BCAS4: variants seen among roughly 807,000 people sequenced by gnomAD.
BCAS4 encodes breast carcinoma-amplified sequence 4.
A neutral mutation model predicts 15.7 loss-of-function variants in BCAS4; 9 were observed. The ratio of observed to expected loss-of-function variants is 0.57; its 90% CI spans 0.34 to 1.00. BCAS4 has a LOEUF of 1.00. Ranked by LOEUF, BCAS4 falls within the 50% of genes least tolerant of loss-of-function variation. The probability of loss-of-function intolerance (pLI) is 0.02; values close to 1 mark genes in which losing one functional copy is unlikely to be tolerated. For missense variants in BCAS4, 225 were observed against 239.1 expected, an observed-to-expected ratio of 0.94 and a Z score of 0.39; for synonymous variants, 101 against 99.5, an observed-to-expected ratio of 1.02 and a Z score of -0.09.
chr20:50,816,212 G>T (rs1276243322), intron 1 of BCAS4, among the ~76,000 whole-genome samples: 1 of 152,044 alleles, frequency 6.6e-6, no homozygotes, highest in Non-Finnish European at 1.5e-5. Flanking sequence ...TTTTAGTAGA[G>T]ACGGGGTTTC....
At chr20:50,848,668 C>T (rs1241150902) in intron 4 of BCAS4, among the ~76,000 whole-genome samples, 1 of 152,250 alleles carries the variant, frequency 6.6e-6, no homozygotes, top group African/African-American at 2.4e-5. Context: ...TGAGCTCAGG[C>T]TGGCATTCGG....
chr20:50,872,406 T>C (rs1210262194), intron 4 of BCAS4, among the ~76,000 whole-genome samples: 1 of 150,178 alleles, frequency 6.7e-6, no homozygotes, highest in Non-Finnish European at 1.5e-5. Context: ...CCATCTCTAC[T>C]AAAAATACAA....
chr20:50,808,052 C>T (rs879238003), intron 1 of BCAS4, among the ~76,000 whole-genome samples: 3 of 151,870 alleles, frequency 2.0e-5, no homozygotes, highest in Non-Finnish European at 4.4e-5. Flanking sequence ...GGATTACAGG[C>T]GCCCGCCACC....
At position 50,858,293 on chromosome 20, in the gene BCAS4, T is replaced by TA. The variant is rs1257476982; in HGVS notation, c.399+16394dup. ...TACTCTAAATCATCTCTAGATTACT[T>TA]ATAATACCTAATACAAAGTAAATGC... On this transcript the variant is annotated intron_variant, in intron 4 of 4. Transcript: ENST00000371608. 2.0e-5 allele frequency among the ~76,000 whole-genome samples: 3 copies of TA among 152,164 alleles called. No individual in the cohort carries two copies. In the East Asian group the frequency reaches 5.8e-4, roughly 29 times the overall value.
chr20:50,871,395 C>T (rs954810378), intron 4 of BCAS4, among the ~76,000 whole-genome samples: 7 of 152,234 alleles, frequency 4.6e-5, no homozygotes, highest in African/African-American at 1.7e-4. Context: ...AGGGCGTCTG[C>T]AGCCGGACAG....
chr20:50,833,518 C>T (rs758717112), intron 3 of BCAS4, among the ~76,000 whole-genome samples: 1 of 152,212 alleles, frequency 6.6e-6, no homozygotes, highest in Admixed American at 6.5e-5. Context: ...CCCTCCAACC[C>T]CACTCCCCAG....
intron 1 of BCAS4, among the ~76,000 whole-genome samples, chr20:50,811,334 T>C (rs1394507739): frequency 4.6e-5 from 7 of 152,134 alleles, no homozygotes; most frequent in African/African-American, 1.7e-4. Context: ...CACTGCACTC[T>C]AGCCTGGATG....
At chr20:50,804,856 G>A (rs2087970986) in intron 1 of BCAS4, among the ~76,000 whole-genome samples, 1 of 152,134 alleles carries the variant, frequency 6.6e-6, no homozygotes, top group African/African-American at 2.4e-5. Context: ...TCTTCTCTGG[G>A]CAGTGGGTCG....
rs1348058124 is a variant in BCAS4 at position 50,827,864 on chromosome 20, C to T, written c.163-2415C>T. Reference sequence around the variant, plus strand: ...GCCTCAGCCTCCCGAGTAGCTGGGACTACAGGCGCACGCCACCATGCCCAG... The same window carrying T: ...GCCTCAGCCTCCCGAGTAGCTGGGATTACAGGCGCACGCCACCATGCCCAG... On this transcript the variant is annotated intron_variant, in intron 2 of 4. Coordinates refer to ENST00000371608, the MANE Select transcript of BCAS4 (RefSeq NM_198799.4). Among the ~76,000 whole-genome samples, 3 of 152,096 alleles carry T rather than the reference C, an allele frequency of 2.0e-5. 1 individual carries two copies. The highest frequency in any genetic ancestry group is 1.3e-4 in the Admixed American group (2 of 15,252).
At chr20:50,870,205 A>C (rs1176364672) in intron 4 of BCAS4, among the ~76,000 whole-genome samples, 1 of 152,250 alleles carries the variant, frequency 6.6e-6, no homozygotes, top group African/African-American at 2.4e-5. Flanking sequence ...AGCTCTTTAC[A>C]GAAAACATTT....
chr20:50,836,653 G>T (rs1420658398), intron 3 of BCAS4, among the ~76,000 whole-genome samples: 1 of 152,170 alleles, frequency 6.6e-6, no homozygotes, highest in African/African-American at 2.4e-5. Flanking sequence ...AGTGTGACCT[G>T]CCAGGTGAGA....
At chr20:50,853,576 G>GA (rs1326636363) in intron 4 of BCAS4, among the ~76,000 whole-genome samples, 12 of 152,016 alleles carry the variant, frequency 7.9e-5, no homozygotes, top group Admixed American at 6.6e-4. Flanking sequence ...GTAGCATTTG[G>GA]AGGGGGATAA....
intron 1 of BCAS4, 110 bp downstream of exon 1, chr20:50,795,283 C>T: frequency 1.9e-6 from 2 of 1,026,222 alleles, no homozygotes; most frequent in Non-Finnish European, 2.5e-6. Context: ...GTGGGGGGCC[C>T]GGGGATTCCC....
intron 1 of BCAS4, among the ~76,000 whole-genome samples, chr20:50,816,401 G>A (rs945407154): frequency 1.7e-4 from 26 of 152,228 alleles, no homozygotes; most frequent in Non-Finnish European, 2.8e-4. Flanking sequence ...CTGCACGTTC[G>A]TTATTGGCTT....
intron 4 of BCAS4, among the ~76,000 whole-genome samples, chr20:50,861,809 TTTTC>T (rs1246166007): frequency 4.7e-4 from 72 of 151,780 alleles, no homozygotes; most frequent in African/African-American, 1.6e-3. Flanking sequence ...TTTCTTTTCT[TTTTC>T]TTTCTTTCTT....
intron 4 of BCAS4, among the ~76,000 whole-genome samples, chr20:50,869,606 T>C (rs973485579): frequency 5.9e-5 from 9 of 152,164 alleles, no homozygotes; most frequent in Admixed American, 2.6e-4. Context: ...TGGGTAGCCA[T>C]GTCTGATGAC....
intron 3 of BCAS4, among the ~76,000 whole-genome samples, chr20:50,835,674 C>A (rs531087367): frequency 6.6e-6 from 1 of 152,088 alleles, no homozygotes; most frequent in African/African-American, 2.4e-5. Flanking sequence ...AGCTCAGAAG[C>A]AACTGTCACC....
intron 2 of BCAS4, among the ~76,000 whole-genome samples, chr20:50,818,697 C>G (rs1164322772): frequency 2.0e-5 from 3 of 152,230 alleles, no homozygotes; most frequent in African/African-American, 7.2e-5. Flanking sequence ...CCTGCGAGGC[C>G]TAGGAGGAGC....
intron 4 of BCAS4, among the ~76,000 whole-genome samples, chr20:50,842,117 G>T (rs1488055046): frequency 1.3e-5 from 2 of 152,200 alleles, no homozygotes; most frequent in Admixed American, 1.3e-4. Flanking sequence ...CATTTATTGG[G>T]CGCCTACTGT....
Sources: allele counts gnomAD v4.1 joint callset (sites outside exome capture counted in the v4.1 genomes callset), GRCh38; gene constraint gnomAD v4.1.1; transcripts MANE v1.5; gene names NCBI Gene and HGNC (gene_info 2026-07-23, HGNC 2026-07-21).